The following DENND5A variants were observed in gnomAD, a reference collection of about 807,000 sequenced individuals.
The protein encoded by DENND5A is DENN domain containing 5A, also known as DENN domain-containing protein 5A.
Under a neutral mutation model 140.3 loss-of-function variants are expected in DENND5A, and 64 were observed. That is an observed-to-expected ratio of 0.46 (90% confidence interval 0.37 to 0.56). The LOEUF is 0.56. Among genes scored for constraint, DENND5A ranks in the 20% least tolerant of loss-of-function variants. The probability of loss-of-function intolerance (pLI) is 0.00; values close to 1 mark genes in which losing one functional copy is unlikely to be tolerated. For synonymous variants in DENND5A, 605 were observed against 607.7 expected (o/e 1.00, Z 0.07); for missense variants, 1,292 against 1,593.8 (o/e 0.81, Z 3.22).
intron 22 of DENND5A, 59 bp from the exon 23 acceptor site, chr11:9,139,913 C>G (rs1367729899): frequency 6.5e-7 from 1 of 1,540,648 alleles, no homozygotes. Flanking sequence ...GAAGAGAGAG[C>G]GTTAGTGCAA....
intron 1 of DENND5A, among the ~76,000 whole-genome samples, chr11:9,242,100 C>T (rs1203154048): frequency 1.3e-5 from 2 of 151,664 alleles, no homozygotes. Context: ...TTACTGTTTC[C>T]ACAGCACTTT....
intron 1 of DENND5A, among the ~76,000 whole-genome samples, chr11:9,248,968 T>C (rs1399536867): frequency 1.3e-5 from 2 of 152,098 alleles, no homozygotes; most frequent in African/African-American, 4.8e-5. Flanking sequence ...CTGGGCGCGG[T>C]GGCTCACACC....
intron 15 of DENND5A, among the ~76,000 whole-genome samples, chr11:9,149,223 A>G (rs1054973633): frequency 3.3e-5 from 5 of 152,148 alleles, no homozygotes; most frequent in African/African-American, 1.2e-4. Context: ...CCAAGCTACA[A>G]ACAGTCTTGG....
intron 14 of DENND5A, 99 bp from the exon 15 acceptor site, chr11:9,150,308 A>T: frequency 2.9e-6 from 4 of 1,395,834 alleles, no homozygotes; most frequent in Non-Finnish European, 3.9e-6. Context: ...GCTGAGACAG[A>T]CTTATCTCAC....
At chr11:9,191,174 C>T (rs1170368502) in intron 5 of DENND5A, among the ~76,000 whole-genome samples, 1 of 151,994 alleles carries the variant, frequency 6.6e-6, no homozygotes, top group African/African-American at 2.4e-5. Flanking sequence ...AACATGGAGG[C>T]TCCAATAGCC....
intron 5 of DENND5A, among the ~76,000 whole-genome samples, chr11:9,184,297 G>A (rs1848832654): frequency 6.6e-6 from 1 of 151,892 alleles, no homozygotes; most frequent in South Asian, 2.1e-4. Flanking sequence ...AGCTTGCAGT[G>A]AGCCAAGATC....
chr11:9,232,336 T>A (rs938532010), intron 1 of DENND5A, among the ~76,000 whole-genome samples: 23 of 151,290 alleles, frequency 1.5e-4, no homozygotes, highest in African/African-American at 5.1e-4. Context: ...ATATATGAAA[T>A]GAACAAAAAA....
At chr11:9,188,122 T>C (rs1250304630) in intron 5 of DENND5A, among the ~76,000 whole-genome samples, 1 of 152,150 alleles carries the variant, frequency 6.6e-6, no homozygotes, top group African/African-American at 2.4e-5. Context: ...TGGGGGATAG[T>C]TGAATCATGG....
chr11:9,193,050 C>G (rs1365921955), intron 5 of DENND5A, among the ~76,000 whole-genome samples: 1 of 151,856 alleles, frequency 6.6e-6, no homozygotes, highest in Non-Finnish European at 1.5e-5. Flanking sequence ...CATGGTGAGA[C>G]CCTGCATCTA....
At chr11:9,225,674 A>G (rs756856391) in intron 1 of DENND5A, among the ~76,000 whole-genome samples, 5 of 152,210 alleles carry the variant, frequency 3.3e-5, no homozygotes, top group African/African-American at 4.8e-5. Flanking sequence ...AGGCAGGGGA[A>G]TCACTTGAAC....
intron 22 of DENND5A, chr11:9,140,361 G>A (rs1847196533): frequency 1.0e-5 from 5 of 491,322 alleles, no homozygotes; most frequent in South Asian, 3.4e-5. Context: ...TGGATAACTT[G>A]AGATCTGAAC....
Position 9,152,399 on chromosome 11 carries a change from T to C in DENND5A, c.2480A>G (p.Asn827Ser), listed in dbSNP as rs1384885540. 3 of 1,613,874 alleles carry C rather than the reference T, an allele frequency of 1.9e-6. No individual in the cohort carries two copies. The highest frequency in any genetic ancestry group is 2.7e-5 in the African/African-American group (2 of 74,922). ...TCCTGATGTGAGTTTTCTCTGCCGG[T>C]TGTCCTGATAATGTAACAGGTGGGA... is the stretch of plus-strand genomic sequence containing the variant. ...LWSHLLHYQDNRQRKLTSGSL... is the reference protein window; with the variant it reads ...LWSHLLHYQDSRQRKLTSGSL... The change falls in exon 13 of 23, where the codon AAC becomes AGC. Residue 827 changes from asparagine (N) to serine (S), a missense_variant. Around this residue, in one of 4 missense-constraint regions of DENND5A, gnomAD observed 498 missense variants for 689.7 expected, o/e 0.72. Coordinates refer to ENST00000328194, the MANE Select transcript of DENND5A (RefSeq NM_015213.4).
At chr11:9,193,210 C>T (rs1269051758) in intron 5 of DENND5A, among the ~76,000 whole-genome samples, 1 of 152,204 alleles carries the variant, frequency 6.6e-6, no homozygotes, top group African/African-American at 2.4e-5. Flanking sequence ...CTGGGTAACA[C>T]AGCAAGACCT....
chr11:9,194,857 T>C (rs1454265952), intron 4 of DENND5A, among the ~76,000 whole-genome samples: 1 of 150,748 alleles, frequency 6.6e-6, no homozygotes, highest in Non-Finnish European at 1.5e-5. Context: ...GTAGCTGGGA[T>C]TACAGGTGCC....
At chr11:9,181,710 G>A (rs1166116958) in intron 5 of DENND5A, among the ~76,000 whole-genome samples, 2 of 152,146 alleles carry the variant, frequency 1.3e-5, no homozygotes, top group African/African-American at 4.8e-5. Flanking sequence ...CTGCACTCCA[G>A]CCTGGGCAAC....
chr11:9,237,380 C>T (rs1035329115), intron 1 of DENND5A, among the ~76,000 whole-genome samples: 1 of 151,974 alleles, frequency 6.6e-6, no homozygotes, highest in Admixed American at 6.6e-5. Flanking sequence ...CAAGATTGTA[C>T]CACTGCACTC....
intron 4 of DENND5A, among the ~76,000 whole-genome samples, chr11:9,200,844 G>A (rs1849497396): frequency 6.6e-6 from 1 of 152,154 alleles, no homozygotes; most frequent in African/African-American, 2.4e-5. Flanking sequence ...ATAATGGCCA[G>A]AGTGATCCTG....
chr11:9,150,460 T>C (rs1473275721), intron 14 of DENND5A, among the ~76,000 whole-genome samples: 1 of 152,202 alleles, frequency 6.6e-6, no homozygotes, highest in Non-Finnish European at 1.5e-5. Context: ...GGGCCTGAGA[T>C]ACTCTCCTAT....
intron 1 of DENND5A, among the ~76,000 whole-genome samples, chr11:9,246,397 G>A (rs765388035): frequency 3.9e-5 from 6 of 152,040 alleles, no homozygotes; most frequent in Non-Finnish European, 8.8e-5. Context: ...AGGATCATGA[G>A]GTCAGGAGAT....
Sources: allele counts gnomAD v4.1 joint callset (sites outside exome capture counted in the v4.1 genomes callset), GRCh38; gene constraint gnomAD v4.1.1; regional missense constraint gnomAD v4.1.1; transcripts MANE v1.5; gene names NCBI Gene and HGNC (gene_info 2026-07-23, HGNC 2026-07-21).